EYS: variants seen among roughly 807,000 people sequenced by gnomAD.
EYS encodes the protein protein eyes shut homolog.
Under a neutral mutation model 282.1 loss-of-function variants are expected in EYS, and 250 were observed. The observed-to-expected ratio is 0.89, with a 90% CI of 0.80 to 0.98. The LOEUF (loss-of-function observed/expected upper bound fraction) is 0.98. Ranked by LOEUF, EYS falls within the 50% of genes least tolerant of loss-of-function variation. The pLI is 0.00. For missense variants in EYS, 4,016 were observed against 3,709.0 expected (o/e 1.08, Z -2.15); for synonymous variants, 1,355 against 1,282.9 (o/e 1.06, Z -1.20).
intron 12 of EYS, among the ~76,000 whole-genome samples, chr6:65,148,881 C>T (rs1764544696): frequency 6.6e-6 from 1 of 152,118 alleles, no homozygotes; most frequent in Non-Finnish European, 1.5e-5. Flanking sequence ...GGGGCTTTCA[C>T]CCTCTGAAGT....
chr6:63,763,313 G>A (rs1156347482), intron 40 of EYS, among the ~76,000 whole-genome samples: 1 of 151,992 alleles, frequency 6.6e-6, no homozygotes, highest in Admixed American at 6.6e-5. Flanking sequence ...ATTGGGAGGA[G>A]CCCAGCAGAA....
intron 30 of EYS, among the ~76,000 whole-genome samples, chr6:64,237,344 G>A (rs1378199333): frequency 6.6e-6 from 1 of 152,162 alleles, no homozygotes; most frequent in Non-Finnish European, 1.5e-5. Flanking sequence ...AGTAAAGGCT[G>A]TGATGGCTTA....
intron 2 of EYS, among the ~76,000 whole-genome samples, chr6:65,590,667 C>T (rs1765198167): frequency 6.6e-6 from 1 of 151,988 alleles, no homozygotes; most frequent in African/African-American, 2.4e-5. Context: ...AGCAACTATT[C>T]TACTCTTTAC....
At chr6:64,146,063 C>T (rs1045601481) in intron 31 of EYS, among the ~76,000 whole-genome samples, 2 of 152,136 alleles carry the variant, frequency 1.3e-5, no homozygotes, top group African/African-American at 4.8e-5. Flanking sequence ...CAGTTTTCCT[C>T]GTGTTGTATA....
intron 22 of EYS, among the ~76,000 whole-genome samples, chr6:64,706,615 GA>G (rs961488787): frequency 2.6e-5 from 4 of 151,146 alleles, no homozygotes; most frequent in South Asian, 4.2e-4. Context: ...AAATCAGCAA[GA>G]AAAAAAACAA....
chr6:65,107,598 C>G (rs953516498), intron 12 of EYS, among the ~76,000 whole-genome samples: 1 of 151,580 alleles, frequency 6.6e-6, no homozygotes, highest in Non-Finnish European at 1.5e-5. Flanking sequence ...GATTCCATAG[C>G]TCCAGAGGCT....
intron 28 of EYS, among the ~76,000 whole-genome samples, chr6:64,414,762 A>G (rs1485129084): frequency 2.0e-5 from 3 of 152,170 alleles, no homozygotes; most frequent in Non-Finnish European, 4.4e-5. Flanking sequence ...TGCTTTTCAA[A>G]CAATGGACCT....
At chr6:64,772,577 T>G (rs1367941727) in intron 22 of EYS, among the ~76,000 whole-genome samples, 1 of 151,776 alleles carries the variant, frequency 6.6e-6, no homozygotes, top group Admixed American at 6.6e-5. Context: ...GCCATGCTGT[T>G]GTGCTATCAA....
chr6:65,016,591 T>C (rs982465236), intron 13 of EYS, among the ~76,000 whole-genome samples: 2 of 152,206 alleles, frequency 1.3e-5, no homozygotes, highest in Admixed American at 6.5e-5. Context: ...ATGTAGGATA[T>C]GTAAATTACA....
intron 12 of EYS, among the ~76,000 whole-genome samples, chr6:65,183,757 G>T (rs891399529): frequency 6.6e-6 from 1 of 151,640 alleles, no homozygotes; most frequent in Non-Finnish European, 1.5e-5. Context: ...TATAGATGGA[G>T]ACACTGAAGA....
chr6:63,866,211 C>G (rs546723596), intron 35 of EYS, among the ~76,000 whole-genome samples: 1 of 135,596 alleles, frequency 7.4e-6, no homozygotes, highest in African/African-American at 2.5e-5. Context: ...GACCACCTAG[C>G]AGGTACAGAA....
chr6:65,152,813 T>C (rs1018640922), intron 12 of EYS, among the ~76,000 whole-genome samples: 15 of 151,574 alleles, frequency 9.9e-5, no homozygotes, highest in South Asian at 2.1e-4. Flanking sequence ...AAAATGATAA[T>C]TTTAATATTA....
At chr6:64,895,246 T>C (rs1177598940) in intron 18 of EYS, among the ~76,000 whole-genome samples, 1 of 152,204 alleles carries the variant, frequency 6.6e-6, no homozygotes, top group Non-Finnish European at 1.5e-5. Context: ...GTTGGATCTC[T>C]ATGAAGATAG....
At chr6:65,061,925 T>A (rs1773585968) in intron 12 of EYS, among the ~76,000 whole-genome samples, 1 of 151,998 alleles carries the variant, frequency 6.6e-6, no homozygotes, top group Non-Finnish European at 1.5e-5. Context: ...TGTTTCTTCT[T>A]ACTCTTTATT....
intron 26 of EYS, among the ~76,000 whole-genome samples, chr6:64,467,461 T>C (rs1775961419): frequency 6.6e-6 from 1 of 152,190 alleles, no homozygotes; most frequent in Non-Finnish European, 1.5e-5. Context: ...TTATATGTAC[T>C]AGGAAGTATG....
At chr6:65,298,323 T>C (rs1463678644) in intron 11 of EYS, among the ~76,000 whole-genome samples, 1 of 152,040 alleles carries the variant, frequency 6.6e-6, no homozygotes, top group East Asian at 1.9e-4. Context: ...AGGATCTTGC[T>C]GAAGTCTCTA....
chr6:64,451,147 T>A (rs1052585848), intron 26 of EYS, among the ~76,000 whole-genome samples: 8 of 151,886 alleles, frequency 5.3e-5, no homozygotes, highest in African/African-American at 1.9e-4. Flanking sequence ...AAGAATCAAA[T>A]AGATGCAATA....
At chr6:63,856,462 T>A (rs997184879) in intron 36 of EYS, among the ~76,000 whole-genome samples, 3 of 152,220 alleles carry the variant, frequency 2.0e-5, no homozygotes, top group Non-Finnish European at 4.4e-5. Context: ...GAGAGTTTAG[T>A]GTTCTACTGA....
chr6:63,981,547 T>G (rs1322670895), intron 35 of EYS, among the ~76,000 whole-genome samples: 1 of 151,844 alleles, frequency 6.6e-6, no homozygotes. Context: ...ATAGAAAGCA[T>G]GTTGTTCATA....
Sources: gnomAD v4.1 joint callset for allele counts (sites outside exome capture counted in the v4.1 genomes callset) on GRCh38, gnomAD v4.1.1 for gene constraint, MANE v1.5 for transcripts, NCBI Gene and HGNC (gene_info 2026-07-23, HGNC 2026-07-21) for gene names.